The following GFI1 variants were observed in gnomAD, a reference collection of about 807,000 sequenced individuals.
The protein encoded by GFI1 is growth factor independent 1 transcriptional repressor, also known as zinc finger protein Gfi-1.
GFI1 carries 15 observed loss-of-function variants against 39.2 expected under a neutral mutation model. The observed-to-expected ratio is 0.38, with a 90% CI of 0.26 to 0.59. The LOEUF (loss-of-function observed/expected upper bound fraction) is 0.59, where lower values mean the gene tolerates loss of function less well. Among genes scored for constraint, GFI1 ranks in the 20% least tolerant of loss-of-function variants. The pLI, the probability that GFI1 is intolerant of heterozygous loss-of-function variation, is 0.62. For synonymous variants in GFI1, 239 were observed against 254.3 expected (o/e 0.94, Z 0.57); for missense variants, 475 against 574.0 (o/e 0.83, Z 1.76).
In GFI1 at chr1:92,484,284, A is replaced by T. The variant is rs1658427706; in HGVS notation, c.-99-698T>A. 6.6e-6 allele frequency among the ~76,000 whole-genome samples: 1 copy of T among 152,112 alleles called. No homozygotes were observed. Among genetic ancestry groups the T allele is most frequent in the Non-Finnish European group, 1.5e-5 (1 of 68,008 alleles). ...CCCAGGAGAAACTCGCATCTGGGTG[A>T]TCCCACTCGCCCCTCACTAGTGCCC... On this transcript the variant is annotated intron_variant, in intron 1 of 6. Coordinates refer to ENST00000294702, the MANE Select transcript of GFI1 (RefSeq NM_005263.5). The surrounding 1 kb of genome is among the most constrained non-coding windows in gnomAD (Gnocchi z 4.1).
At chr1:92,483,671 G>C in intron 1 of GFI1, 85 bp from the exon 2 acceptor site, 2 of 649,990 alleles carry the variant, frequency 3.1e-6, no homozygotes, top group South Asian at 3.2e-5. Flanking sequence ...GGGAGAGCGC[G>C]GGCCAGGGAG....
At chr1:92,477,314 A>C (rs1658021762) in intron 6 of GFI1, among the ~76,000 whole-genome samples, 1 of 152,222 alleles carries the variant, frequency 6.6e-6, no homozygotes, top group South Asian at 2.1e-4. Flanking sequence ...AGTGTCCTGA[A>C]TACCTTACTT....
chr1:92,482,810 A>G lies in GFI1; in HGVS notation c.298+54T>C. 1 of 1,413,692 alleles carries G rather than the reference A, an allele frequency of 7.1e-7. No homozygotes were observed. Among genetic ancestry groups the G allele is most frequent in the Non-Finnish European group, 1.0e-6 (1 of 998,612 alleles). 87.6% of individuals were successfully genotyped at this position (1,413,692 alleles called of 1,614,324 possible). A position where few individuals can be genotyped will look rare whatever the true frequency, so the allele number is the denominator to read the frequency against. On this transcript the variant is annotated intron_variant, in intron 3 of 6. Transcript: ENST00000294702. The surrounding 1 kb of genome is among the most constrained non-coding windows in gnomAD (Gnocchi z 4.4). Reference sequence around the variant, plus strand: ...CCCAAGGTCGCGCCAATTCCCCCCCAGCACTGCCGGGTCCCTGCAGCTCCC... The same window carrying G: ...CCCAAGGTCGCGCCAATTCCCCCCCGGCACTGCCGGGTCCCTGCAGCTCCC...
intron 1 of GFI1, chr1:92,485,866 C>T (rs971449797): frequency 6.6e-6 from 1 of 152,260 alleles, no homozygotes; most frequent in African/African-American, 2.4e-5. Context: ...ACCCAGCTGC[C>T]GGAGCTCTCT....
rs749555021 is a variant in GFI1, at chr1:92,480,611, T to C, written c.776A>G (p.Lys259Arg). ...GCTCGGGAGCCTCACCTTGCTGCAC[T>C]TGATGCACTTGTAGGAGCCGCCGCC... is the stretch of plus-strand genomic sequence containing the variant. ...LLGGGSYKCI[K>R]CSKVFSTPHG... Residue 259 changes from lysine (K) to arginine (R), a missense_variant, in exon 4 of 7, where the codon AAG (lysine) becomes AGG (arginine). This residue lies in a region of GFI1 where 79 missense variants were observed against 68.4 expected (regional missense o/e 1.15). Coordinates refer to ENST00000294702, the MANE Select transcript of GFI1 (RefSeq NM_005263.5). The surrounding 1 kb of genome is among the most constrained non-coding windows in gnomAD (Gnocchi z 5.6). 5 of 1,561,114 alleles carry C rather than the reference T, an allele frequency of 3.2e-6. No homozygotes were observed. The highest frequency in any genetic ancestry group is 2.3e-5 in the East Asian group (1 of 42,808).
At chr1:92,476,571 C>G (rs1352986589) in intron 6 of GFI1, among the ~76,000 whole-genome samples, 2 of 152,122 alleles carry the variant, frequency 1.3e-5, no homozygotes, top group Non-Finnish European at 2.9e-5. Context: ...AGATGTTCAA[C>G]AGGAAGGGGA....
Position 92,475,013 on chromosome 1 carries a change from T to C in GFI1, c.*1016A>G, listed in dbSNP as rs1657889588. ...AAAACTGAATATACACACATATCTTTGAAGTAACTGTTCAGCTTTTTGTTT... is the reference window on the plus strand; with the variant it reads ...AAAACTGAATATACACACATATCTTCGAAGTAACTGTTCAGCTTTTTGTTT... On this transcript the variant is annotated 3_prime_UTR_variant, in exon 7 of 7. Transcript: ENST00000294702. 6.6e-6 allele frequency: 1 copy of C among 152,334 alleles called. No homozygotes were observed. The highest frequency in any genetic ancestry group is 6.5e-5 in the Admixed American group (1 of 15,294). The allele number at this position is 152,334 out of a possible 1,614,324, so 9.4% of individuals were successfully genotyped here. A position where few individuals can be genotyped will look rare whatever the true frequency, so the allele number is the denominator to read the frequency against.
rs1657831284 is a variant in GFI1 at position 92,473,810 on chromosome 1, A to T, written c.*2219T>A. ...TGTTTATTCACTTAACATCTCAGTA[A>T]ATATTTATTAATCTCCTACTGTGTG... is the stretch of plus-strand genomic sequence containing the variant. On this transcript the variant is annotated 3_prime_UTR_variant, in exon 7 of 7. Transcript: ENST00000294702. Among the ~76,000 whole-genome samples, 1 of 152,198 alleles carries T rather than the reference A, an allele frequency of 6.6e-6. No individual in the cohort carries two copies. The highest frequency in any genetic ancestry group is 1.9e-4 in the East Asian group (1 of 5,206).
chr1:92,477,057 T>TTTTC (rs1444013577), intron 6 of GFI1, among the ~76,000 whole-genome samples: 18 of 152,242 alleles, frequency 1.2e-4, no homozygotes, highest in Admixed American at 1.3e-4. Flanking sequence ...GGCATTATAG[T>TTTTC]CAGGGCTCAG....
At position 92,474,319 on chromosome 1, in the gene GFI1, C is replaced by T. The variant is rs370980285; in HGVS notation, c.*1710G>A. Among the ~76,000 whole-genome samples, 2 of 152,160 alleles carry T rather than the reference C, an allele frequency of 1.3e-5. No individual in the cohort carries two copies. Among genetic ancestry groups the T allele is most frequent in the Non-Finnish European group, 2.9e-5 (2 of 68,020 alleles). ...ATTACTTGATCAAGGAAACCAGTAT[C>T]GGGGAAGTCAAAAGATTTACACAAG... On this transcript the variant is annotated 3_prime_UTR_variant, in exon 7 of 7. Transcript: ENST00000294702.
rs531898530 is a variant in GFI1 at position 92,484,043 on chromosome 1, C to G, written c.-99-457G>C. 5.2e-6 allele frequency: 1 copy of G among 192,118 alleles called. No individual in the cohort carries two copies. The highest frequency in any genetic ancestry group is 2.3e-5 in the African/African-American group (1 of 42,662). 11.9% of individuals were successfully genotyped at this position (192,118 alleles called of 1,614,324 possible). A position where few individuals can be genotyped will look rare whatever the true frequency, so the allele number is the denominator to read the frequency against. ...TTAGGGGCCGGGGATGCCCAGTGGT[C>G]GAGGACCCGGAAGGGGCAAGGAGCC... On this transcript the variant is annotated intron_variant, in intron 1 of 6. Coordinates refer to ENST00000294702, the MANE Select transcript of GFI1 (RefSeq NM_005263.5). This position sits in a 1 kb window ranked among gnomAD's most constrained non-coding sequence, Gnocchi z 4.1.
intron 1 of GFI1, 61 bp from the exon 2 acceptor site, chr1:92,483,647 G>A (rs1658398842): frequency 1.5e-6 from 1 of 679,182 alleles, no homozygotes; most frequent in South Asian, 1.5e-5. Context: ...CGGCGGACTG[G>A]GCACCCAGGC....
intron 2 of GFI1, 33 bp from the exon 3 acceptor site, chr1:92,483,079 T>TG (rs1397410147): frequency 6.5e-7 from 1 of 1,542,796 alleles, no homozygotes; most frequent in Non-Finnish European, 8.7e-7. Flanking sequence ...GGGCTCAGGC[T>TG]GGGACCGGTT....
At position 92,483,008 on chromosome 1, in the gene GFI1, G is replaced by A. The variant is rs1405101589; in HGVS notation, c.154C>T (p.Arg52Trp). 5 of 1,606,528 alleles carry A rather than the reference G, an allele frequency of 3.1e-6. No individual in the cohort carries two copies. The highest frequency in any genetic ancestry group is 1.7e-4 in the Middle Eastern group (1 of 5,846). Residue 52 changes from arginine to tryptophan, a missense_variant, in exon 3 of 7, where the codon CGG (arginine) becomes TGG (tryptophan). By Grantham distance (101) the Arg-to-Trp change is moderately radical (BLOSUM62 -3). Transcript: ENST00000294702. ...TGCGATTCGGGGGACAAACGGTCCC[G>A]GGGCTCCGCCTTCGCCCCGCCTGCA... ...SNAGGAKAEP[R>W]DRLSPESQLT...
At chr1:92,483,240 C>A in intron 2 of GFI1, 133 bp downstream of exon 2, 3 of 737,842 alleles carry the variant, frequency 4.1e-6, no homozygotes, top group South Asian at 1.6e-5. Flanking sequence ...CCGGAGGAAC[C>A]AGGACAGTAG....
chr1:92,485,109 T>C (rs1054318626), intron 1 of GFI1, among the ~76,000 whole-genome samples: 3 of 152,136 alleles, frequency 2.0e-5, no homozygotes, highest in Non-Finnish European at 2.9e-5. Flanking sequence ...GGAATGGGAA[T>C]AGACCTGGGA....
intron 6 of GFI1, 110 bp downstream of exon 6, chr1:92,478,478 A>G: frequency 1.1e-6 from 1 of 912,394 alleles, no homozygotes; most frequent in Admixed American, 1.8e-5. Flanking sequence ...AGCAGAGAAT[A>G]ACTCCATCAG....
chr1:92,483,764 C>T, intron 1 of GFI1, 178 bp from the exon 2 acceptor site: 2 of 484,510 alleles, frequency 4.1e-6, no homozygotes, highest in East Asian at 7.8e-5. Context: ...TGGCGCGAAC[C>T]CGCCGTCGTT....
At position 92,483,459 on chromosome 1, in the gene GFI1, T is replaced by C. The variant is rs1658383609; in HGVS notation, c.29A>G (p.Lys10Arg). MPRSFLVKS[K>R]KAHSYHQPRS... is the part of the protein sequence containing the mutation. ...CGGCTGGTGGTAGCTGTGAGCCTTC[T>C]TGCTTTTGACGAGAAATGAGCGCGG... is the stretch of plus-strand genomic sequence containing the variant. The change falls in exon 2 of 7, where the codon AAG (lysine) becomes AGG (arginine). Residue 10 changes from lysine to arginine, a missense_variant. Coordinates refer to ENST00000294702, the MANE Select transcript of GFI1 (RefSeq NM_005263.5). The C allele has an allele frequency of 6.2e-7, 1 of 1,611,838 alleles. No homozygotes were observed. Among genetic ancestry groups the C allele is most frequent in the African/African-American group, 1.3e-5 (1 of 74,858 alleles).
Sources: allele counts gnomAD v4.1 joint callset (sites outside exome capture counted in the v4.1 genomes callset), GRCh38; gene constraint gnomAD v4.1.1; regional missense constraint gnomAD v4.1.1; non-coding constraint Gnocchi (gnomAD v3.1); transcripts MANE v1.5; gene names NCBI Gene and HGNC (gene_info 2026-07-23, HGNC 2026-07-21).